The following SYN2 variants were observed in gnomAD, a reference collection of about 807,000 sequenced individuals.
SYN2 encodes synapsin II.
Under a neutral mutation model 50.9 loss-of-function variants are expected in SYN2, and 19 were observed. That is an observed-to-expected ratio of 0.37 (90% confidence interval 0.26 to 0.55). SYN2 has a LOEUF of 0.55. SYN2 is among the 20% of genes least tolerant of loss of function. SYN2 has a pLI of 0.81. For missense variants in SYN2, 587 were observed against 576.4 expected (o/e 1.02, Z -0.19); for synonymous variants, 255 against 224.9 (o/e 1.13, Z -1.20).
At chr3:12,157,377 C>T in intron 5 of SYN2, 1 of 1,613,806 alleles carries the variant, frequency 6.2e-7, no homozygotes, top group Non-Finnish European at 8.5e-7. Flanking sequence ...CAGCCTGCCC[C>T]CATGTACCTT....
At chr3:12,070,268 G>T in intron 1 of SYN2, 1 of 477,362 alleles carries the variant, frequency 2.1e-6, no homozygotes. Context: ...AGTGTCTCCG[G>T]CATGTACAAA....
chr3:12,004,539 C>G lies in SYN2; in HGVS notation c.-13C>G, dbSNP rs72624441. On this transcript the variant is annotated 5_prime_UTR_variant, in exon 1 of 13. Transcript: ENST00000621198. ...ACCCCGTAGCCCCGCGCGCCCCCAG[C>G]CCTTTAAGCCAGATGATGAACTTCC... 6.3e-6 allele frequency: 4 copies of G among 631,092 alleles called. 1 individual carries two copies. Among genetic ancestry groups the G allele is most frequent in the Non-Finnish European group, 1.2e-5 (4 of 339,530 alleles). 39.1% of individuals were successfully genotyped at this position (631,092 alleles called of 1,614,324 possible).
At chr3:12,016,515 G>A (rs1694032404) in intron 1 of SYN2, among the ~76,000 whole-genome samples, 2 of 152,178 alleles carry the variant, frequency 1.3e-5, no homozygotes. Context: ...AACTTTTTGT[G>A]TCACCATAGG....
chr3:12,102,273 T>A (rs750775989), intron 1 of SYN2, among the ~76,000 whole-genome samples: 19 of 152,204 alleles, frequency 1.2e-4, no homozygotes, highest in Admixed American at 6.5e-4. Flanking sequence ...CTATCATTGC[T>A]AATTCATTTG....
intron 4 of SYN2, among the ~76,000 whole-genome samples, chr3:12,150,562 G>A (rs979890384): frequency 6.6e-6 from 1 of 152,124 alleles, no homozygotes; most frequent in African/African-American, 2.4e-5. Flanking sequence ...GTAAGTATGT[G>A]TACTTTGCCC....
Position 12,161,627 on chromosome 3 carries a change from C to G in SYN2, c.837+19C>G. Reference sequence around the variant, plus strand: ...GGGCAAGGTGAGGCAGAGAGGCCTGCTGTGCTTCAGGGTTGAACCAAGAAG... The same window carrying G: ...GGGCAAGGTGAGGCAGAGAGGCCTGGTGTGCTTCAGGGTTGAACCAAGAAG... On this transcript the variant is annotated intron_variant, in intron 6 of 12. Coordinates refer to ENST00000621198, the MANE Select transcript of SYN2 (RefSeq NM_133625.6). The G allele has an allele frequency of 6.2e-7, 1 of 1,613,890 alleles. No individual in the cohort carries two copies. The highest frequency in any genetic ancestry group is 8.5e-7 in the Non-Finnish European group (1 of 1,179,814).
At chr3:12,071,722 G>C in intron 1 of SYN2, 1 of 191,220 alleles carries the variant, frequency 5.2e-6, no homozygotes, top group South Asian at 1.0e-4. Flanking sequence ...TCTGTGCAGG[G>C]TATTACTGTG....
intron 8 of SYN2, 96 bp downstream of exon 8, chr3:12,167,404 A>G (rs1320679348): frequency 6.1e-6 from 8 of 1,318,458 alleles, no homozygotes; most frequent in African/African-American, 2.9e-5. Context: ...AAAGGGAGTC[A>G]TGGAGCAAAC....
At chr3:12,100,772 C>T (rs1397891084) in intron 1 of SYN2, among the ~76,000 whole-genome samples, 1 of 151,064 alleles carries the variant, frequency 6.6e-6, no homozygotes, top group Non-Finnish European at 1.5e-5. Flanking sequence ...TATAACTCAA[C>T]CACAACAAAA....
intron 1 of SYN2, among the ~76,000 whole-genome samples, chr3:12,017,355 C>T (rs1694046475): frequency 6.6e-6 from 1 of 152,130 alleles, no homozygotes; most frequent in Non-Finnish European, 1.5e-5. Flanking sequence ...TACTATTAAC[C>T]TAATTTTACA....
intron 1 of SYN2, among the ~76,000 whole-genome samples, chr3:12,010,094 C>T (rs1306519901): frequency 6.6e-6 from 1 of 151,932 alleles, no homozygotes; most frequent in East Asian, 1.9e-4. Context: ...GACTCCATCT[C>T]CAAAAAAATA....
intron 1 of SYN2, among the ~76,000 whole-genome samples, chr3:12,094,609 A>AG (rs1695889998): frequency 6.6e-6 from 1 of 152,160 alleles, no homozygotes; most frequent in Admixed American, 6.5e-5. Context: ...TTTCAAGATG[A>AG]GGGGGTGAGT....
chr3:12,183,025 A>G (rs944352379), intron 10 of SYN2, among the ~76,000 whole-genome samples: 3 of 152,274 alleles, frequency 2.0e-5, no homozygotes, highest in Non-Finnish European at 1.5e-5. Context: ...GCTTCTAGAA[A>G]GAATGAGTCT....
intron 1 of SYN2, among the ~76,000 whole-genome samples, chr3:12,050,489 G>T (rs1694832576): frequency 6.6e-6 from 1 of 151,618 alleles, no homozygotes; most frequent in Admixed American, 6.6e-5. Context: ...GGGACTATAG[G>T]TGTGTGCCAC....
intron 1 of SYN2, among the ~76,000 whole-genome samples, chr3:12,099,836 G>A (rs961112901): frequency 6.6e-6 from 1 of 151,190 alleles, no homozygotes; most frequent in Non-Finnish European, 1.5e-5. Flanking sequence ...GTAGTGGCGG[G>A]CGCCTGTAGT....
chr3:12,057,577 A>G (rs1330704865), intron 1 of SYN2, among the ~76,000 whole-genome samples: 1 of 152,086 alleles, frequency 6.6e-6, no homozygotes, highest in Admixed American at 6.5e-5. Flanking sequence ...ATTCAAACTT[A>G]TTTCTTTGGT....
intron 1 of SYN2, among the ~76,000 whole-genome samples, chr3:12,005,152 A>G (rs1024223190): frequency 2.0e-5 from 3 of 152,148 alleles, no homozygotes; most frequent in African/African-American, 7.2e-5. Flanking sequence ...ATACCCCTCA[A>G]TTGCCCCAGG....
chr3:12,048,515 G>C (rs1694790235), intron 1 of SYN2, among the ~76,000 whole-genome samples: 1 of 152,092 alleles, frequency 6.6e-6, no homozygotes, highest in Non-Finnish European at 1.5e-5. Flanking sequence ...TTTTAAGACT[G>C]TTTGCCATAT....
At chr3:12,166,910 G>A (rs1242432110) in intron 7 of SYN2, among the ~76,000 whole-genome samples, 1 of 152,200 alleles carries the variant, frequency 6.6e-6, no homozygotes. Context: ...AAAATAAAAA[G>A]TAGATTTAAG....
Sources: allele counts gnomAD v4.1 joint callset (sites outside exome capture counted in the v4.1 genomes callset), GRCh38; gene constraint gnomAD v4.1.1; transcripts MANE v1.5; gene names NCBI Gene and HGNC (gene_info 2026-07-23, HGNC 2026-07-21).